The following AOC1 variants were observed in gnomAD, a reference collection of about 807,000 sequenced individuals.
The protein encoded by AOC1 is diamine oxidase [copper-containing].
Under a neutral mutation model 57.1 loss-of-function variants are expected in AOC1, and 58 were observed. The ratio of observed to expected loss-of-function variants is 1.02; its 90% CI spans 0.82 to 1.26. The LOEUF is 1.26. AOC1 is among the 50% of genes most tolerant of loss of function. The pLI is 0.00. For missense variants in AOC1, 917 were observed against 1,005.3 expected, an observed-to-expected ratio of 0.91 and a Z score of 1.19; for synonymous variants, 401 against 423.4, an observed-to-expected ratio of 0.95 and a Z score of 0.65.
At chr7:150,860,451 G>A (rs778970205) in intron 3 of AOC1, 50 bp from the exon 4 acceptor site, 3 of 1,612,114 alleles carry the variant, frequency 1.9e-6, no homozygotes, top group Non-Finnish European at 1.7e-6. Flanking sequence ...CAGGACTGAG[G>A]GGGGCCAGCC....
At chr7:150,855,664 G>A (rs1799749028) in intron 1 of AOC1, among the ~76,000 whole-genome samples, 1 of 152,174 alleles carries the variant, frequency 6.6e-6, no homozygotes, top group African/African-American at 2.4e-5. Context: ...AAAGCCATCA[G>A]TCTGCAGCCT....
intron 1 of AOC1, among the ~76,000 whole-genome samples, chr7:150,855,730 A>G (rs1387188953): frequency 6.6e-6 from 1 of 152,230 alleles, no homozygotes; most frequent in Non-Finnish European, 1.5e-5. Context: ...TGGTGTCGAT[A>G]GCCTGTATTT....
chr7:150,861,156 G>A lies in AOC1; in HGVS notation c.2203G>A (p.Asp735Asn). 1 of 1,612,428 alleles carries A rather than the reference G, an allele frequency of 6.2e-7. No individual in the cohort carries two copies. The highest frequency in any genetic ancestry group is 1.1e-5 in the South Asian group (1 of 91,038). ...CCAGCGCTGGATCCCTGAGGACAGG[G>A]ACTGCTCGATGCCTCCCCCTTTTAG... is the stretch of plus-strand genomic sequence containing the variant. ...YVQRWIPEDR[D>N]CSMPPPFSYN... The change falls in exon 5 of 5, where the codon GAC becomes AAC. Residue 735 changes from aspartate (D) to asparagine (N), a missense_variant. Transcript: ENST00000360937. The surrounding 1 kb of genome is among the most constrained non-coding windows in gnomAD (Gnocchi z 4.5).
Position 150,861,081 on chromosome 7 carries a change from T to C in AOC1, c.2128T>C (p.Ser710Pro). Residue 710 changes from serine (S) to proline (P), a missense_variant, in exon 5 of 5, where the codon TCC becomes CCC. Ser to Pro is a moderately conservative substitution (Grantham distance 74). Transcript: ENST00000360937. The surrounding 1 kb of genome is among the most constrained non-coding windows in gnomAD (Gnocchi z 4.5). The stretch of plus-strand genomic sequence containing the variant: ...CTTCCCAGAGGACCCCTCCCTGGCA[T>C]CCAGAGACACTGTGATCGTGTGGCC... ...NFFPEDPSLASRDTVIVWPRD... is the reference protein window; with the variant it reads ...NFFPEDPSLAPRDTVIVWPRD... 2.5e-6 allele frequency: 4 copies of C among 1,614,136 alleles called. No homozygotes were observed. In the South Asian group the frequency reaches 4.4e-5, roughly 18 times the overall value.
In AOC1 at chr7:150,858,011, T is replaced by TGCACTACC; in HGVS notation, c.1544_1551dup (p.Val518ThrfsTer4). The stretch of plus-strand genomic sequence containing the variant: ...ATTGGCAACATACACACTCACTTGG[T>TGCACTACC]GCACTACCGCGTAGACCTGGATGTG... On this transcript the variant is annotated frameshift_variant, in exon 2 of 5. Transcript: ENST00000360937. LOFTEE classifies it high-confidence loss of function. 4 of 1,554,710 alleles carry TGCACTACC rather than the reference T, an allele frequency of 2.6e-6. No homozygotes were observed. The highest frequency in any genetic ancestry group is 3.5e-6 in the Non-Finnish European group (4 of 1,155,390).
chr7:150,854,044 T>G (rs1264882215), intron 1 of AOC1: 2 of 151,638 alleles, frequency 1.3e-5, no homozygotes, highest in African/African-American at 4.8e-5. Context: ...ATAGTCTATT[T>G]AAAGAAGAAA....
chr7:150,857,304 G>C lies in AOC1; in HGVS notation c.834G>C (p.Glu278Asp). The C allele has an allele frequency of 6.3e-7, 1 of 1,598,124 alleles. No homozygotes were observed. Among genetic ancestry groups the C allele is most frequent in the South Asian group, 1.1e-5 (1 of 88,898 alleles). The stretch of plus-strand genomic sequence containing the variant: ...GCAAGGGGCATGACAGCACAGAGGA[G>C]CCGCCCCTCTTCTCCTCCCACAAGC... ...PGGKGHDSTE[E>D]PPLFSSHKPR... Residue 278 changes from glutamate (E) to aspartate (D), a missense_variant, in exon 2 of 5, where the codon GAG (glutamate) becomes GAC (aspartate). Transcript: ENST00000360937. This position sits in a 1 kb window ranked among gnomAD's most constrained non-coding sequence, Gnocchi z 6.6.
rs1262912144 is a variant in AOC1, at chr7:150,852,584, A to G, written c.-17+26A>G. On this transcript the variant is annotated intron_variant, in intron 1 of 4. Coordinates refer to ENST00000360937, the MANE Select transcript of AOC1 (RefSeq NM_001091.4). The surrounding 1 kb of genome is among the most constrained non-coding windows in gnomAD (Gnocchi z 4.6). ...GTGCGTTCTGATGGGTATTCGGGAG[A>G]GTCAAGAAGGGGCTGACCTGGAGGA... 1.3e-5 allele frequency: 2 copies of G among 153,262 alleles called. No homozygotes were observed. The highest frequency in any genetic ancestry group is 4.8e-5 in the African/African-American group (2 of 41,460). The allele number at this position is 153,262 out of a possible 1,614,324, so 9.5% of individuals were successfully genotyped here.
intron 1 of AOC1, among the ~76,000 whole-genome samples, chr7:150,853,342 T>C (rs1799674195): frequency 6.6e-6 from 1 of 152,022 alleles, no homozygotes; most frequent in Non-Finnish European, 1.5e-5. Context: ...GGAGGCTGCG[T>C]GTGTAGGGGC....
rs778504514 is a variant in AOC1, at chr7:150,857,430, C to T, written c.960C>T (p.Gly320=). Residue 320 remains glycine (G), a synonymous_variant, in exon 2 of 5, where the codon GGC becomes GGT. Coordinates refer to ENST00000360937, the MANE Select transcript of AOC1 (RefSeq NM_001091.4). This position sits in a 1 kb window ranked among gnomAD's most constrained non-coding sequence, Gnocchi z 6.6. ...FRLEGNAVLY[G]GWSFAFRLRS... The stretch of plus-strand genomic sequence containing the variant: ...TGGAGGGCAACGCTGTGCTCTACGG[C>T]GGCTGGAGCTTTGCCTTCCGGCTGC... 8.7e-6 allele frequency: 14 copies of T among 1,610,968 alleles called. No individual in the cohort carries two copies. The highest frequency in any genetic ancestry group is 8.3e-5 in the Admixed American group (5 of 59,994).
At chr7:150,860,038 G>A (rs4725968) in intron 3 of AOC1, 59,291 of 165,680 alleles carry the variant, frequency 0.36, 11,543 homozygotes, top group East Asian at 0.48. Context: ...AGTTAGCCGG[G>A]TGTGGTCGTG....
At position 150,856,643 on chromosome 7, in the gene AOC1, C is replaced by T; in HGVS notation, c.173C>T (p.Pro58Leu). Reference protein sequence around the residue: ...LWSKKELRLQPSSTTTMAKNT... With the variant: ...LWSKKELRLQLSSTTTMAKNT... ...TCCAAGAAGGAGCTGAGGCTGCAGC[C>T]CTCCAGTACCACCACCATGGCCAAG... The change falls in exon 2 of 5, where the codon CCC becomes CTC. Residue 58 changes from proline (P) to leucine (L), a missense_variant. Coordinates refer to ENST00000360937, the MANE Select transcript of AOC1 (RefSeq NM_001091.4). This position sits in a 1 kb window ranked among gnomAD's most constrained non-coding sequence, Gnocchi z 5.2. The T allele has an allele frequency of 6.2e-7, 1 of 1,614,114 alleles. No homozygotes were observed. The highest frequency in any genetic ancestry group is 8.5e-7 in the Non-Finnish European group (1 of 1,179,978).
At chr7:150,853,512 A>G (rs1799678775) in intron 1 of AOC1, among the ~76,000 whole-genome samples, 1 of 151,954 alleles carries the variant, frequency 6.6e-6, no homozygotes, top group South Asian at 2.1e-4. Context: ...GACTTTATAA[A>G]GTCTATTAAG....
chr7:150,857,072 T>A lies in AOC1; in HGVS notation c.602T>A (p.Leu201His). 3 of 1,614,104 alleles carry A rather than the reference T, an allele frequency of 1.9e-6. No homozygotes were observed. Among genetic ancestry groups the A allele is most frequent in the Non-Finnish European group, 2.5e-6 (3 of 1,179,994 alleles). Reference sequence around the variant, plus strand: ...GCTTCTGGCCAGCGCCGCAGTTGGCTTATCATACAGCGCTATGTAGAAGGC... The same window carrying A: ...GCTTCTGGCCAGCGCCGCAGTTGGCATATCATACAGCGCTATGTAGAAGGC... ...GVASGQRRSW[L>H]IIQRYVEGYF... is the part of the protein sequence containing the mutation. The change falls in exon 2 of 5, where the codon CTT becomes CAT. Residue 201 changes from leucine to histidine, a missense_variant. By Grantham distance (99) the Leu-to-His change is moderately conservative (BLOSUM62 -3). Transcript: ENST00000360937. The surrounding 1 kb of genome is among the most constrained non-coding windows in gnomAD (Gnocchi z 6.6).
At position 150,856,533 on chromosome 7, in the gene AOC1, C is replaced by G. The variant is rs1192038713; in HGVS notation, c.63C>G (p.Pro21=). Reference sequence around the variant, plus strand: ...TGCTGCAGACGGCCATGGCGGAGCCCTCCCCGGGGACTCTGCCCAGGAAGG... The same window carrying G: ...TGCTGCAGACGGCCATGGCGGAGCCGTCCCCGGGGACTCTGCCCAGGAAGG... ...ILMLQTAMAE[P]SPGTLPRKAG... The change falls in exon 2 of 5, where the codon CCC becomes CCG. Residue 21 remains proline, a synonymous_variant. Coordinates refer to ENST00000360937, the MANE Select transcript of AOC1 (RefSeq NM_001091.4). The surrounding 1 kb of genome is among the most constrained non-coding windows in gnomAD (Gnocchi z 5.2). The G allele has an allele frequency of 1.2e-6, 2 of 1,613,982 alleles. No individual in the cohort carries two copies. Among genetic ancestry groups the G allele is most frequent in the African/African-American group, 2.7e-5 (2 of 74,938 alleles).
intron 2 of AOC1, 60 bp from the exon 3 acceptor site, chr7:150,858,703 T>G (rs1447671371): frequency 2.0e-6 from 3 of 1,504,084 alleles, no homozygotes; most frequent in Non-Finnish European, 2.7e-6. Context: ...TGGGGTAGAA[T>G]GAGGAGGTTT....
rs745825875 is a variant in AOC1, at chr7:150,861,019, G to A, written c.2066G>A (p.Gly689Glu). The A allele has an allele frequency of 9.3e-6, 15 of 1,613,896 alleles. No individual in the cohort carries two copies. Among genetic ancestry groups the A allele is most frequent in the Non-Finnish European group, 1.3e-5 (15 of 1,179,958 alleles). ...GACATTCCCAACACAGCCACACCTG[G>A]GAACTCCGTGGGCTTCCTGCTCCGG... ...SEDIPNTATP[G>E]NSVGFLLRPF... The change falls in exon 5 of 5, where the codon GGG becomes GAG. Residue 689 changes from glycine to glutamate, a missense_variant. Coordinates refer to ENST00000360937, the MANE Select transcript of AOC1 (RefSeq NM_001091.4). This position sits in a 1 kb window ranked among gnomAD's most constrained non-coding sequence, Gnocchi z 4.5.
chr7:150,857,026 G>T lies in AOC1; in HGVS notation c.556G>T (p.Asp186Tyr). 2 of 1,614,162 alleles carry T rather than the reference G, an allele frequency of 1.2e-6. No individual in the cohort carries two copies. Among genetic ancestry groups the T allele is most frequent in the South Asian group, 1.1e-5 (1 of 91,088 alleles). Reference sequence around the variant, plus strand: ...CCATGACAGATGCCTGGCCTTCACCGATGTGGCCCCCCGGGGTGTGGCTTC... The same window carrying T: ...CCATGACAGATGCCTGGCCTTCACCTATGTGGCCCCCCGGGGTGTGGCTTC... ...DCHDRCLAFT[D>Y]VAPRGVASGQ... is the part of the protein sequence containing the mutation. The change falls in exon 2 of 5, where the codon GAT becomes TAT. Residue 186 changes from aspartate (D) to tyrosine (Y), a missense_variant. By Grantham distance (160) the Asp-to-Tyr change is radical. Coordinates refer to ENST00000360937, the MANE Select transcript of AOC1 (RefSeq NM_001091.4). The surrounding 1 kb of genome is among the most constrained non-coding windows in gnomAD (Gnocchi z 6.6).
rs564387925 is a variant in AOC1, at chr7:150,856,440, T to C, written c.-16-15T>C. On this transcript the variant is annotated splice_polypyrimidine_tract_variant and intron_variant, in intron 1 of 4. Coordinates refer to ENST00000360937, the MANE Select transcript of AOC1 (RefSeq NM_001091.4). This position sits in a 1 kb window ranked among gnomAD's most constrained non-coding sequence, Gnocchi z 5.2. ...CCATAAGACAACTAAGTTCATCTCC[T>C]CTATTGCATTCCAGAGCCGTGGAGC... 28 of 1,591,774 alleles carry C rather than the reference T, an allele frequency of 1.8e-5. No homozygotes were observed. Among genetic ancestry groups the C allele is most frequent in the Non-Finnish European group, 2.2e-5 (26 of 1,171,598 alleles).
Sources: allele counts gnomAD v4.1 joint callset (sites outside exome capture counted in the v4.1 genomes callset), GRCh38; gene constraint gnomAD v4.1.1; non-coding constraint Gnocchi (gnomAD v3.1); transcripts MANE v1.5; gene names NCBI Gene and HGNC (gene_info 2026-07-23, HGNC 2026-07-21).